RAP1GAP2: variants seen among roughly 807,000 people sequenced by gnomAD.
The protein encoded by RAP1GAP2 is rap1 GTPase-activating protein 2.
Under a neutral mutation model 95.0 loss-of-function variants are expected in RAP1GAP2, and 27 were observed. The observed-to-expected ratio is 0.28, with a 90% CI of 0.21 to 0.39. The LOEUF is 0.39. RAP1GAP2 is among the 10% of genes least tolerant of loss of function. The pLI, the probability that RAP1GAP2 is intolerant of heterozygous loss-of-function variation, is 1.00. For missense variants in RAP1GAP2, 771 were observed against 970.0 expected, an observed-to-expected ratio of 0.79 and a Z score of 2.72; for synonymous variants, 373 against 380.9, an observed-to-expected ratio of 0.98 and a Z score of 0.24.
intron 2 of RAP1GAP2, among the ~76,000 whole-genome samples, chr17:2,804,993 C>T (rs2069454412): frequency 6.6e-6 from 1 of 152,162 alleles, no homozygotes; most frequent in Non-Finnish European, 1.5e-5. Context: ...ATGGTAGGCG[C>T]TCGCTGTTGA....
intron 2 of RAP1GAP2, among the ~76,000 whole-genome samples, chr17:2,812,057 G>A (rs2069791525): frequency 6.6e-6 from 1 of 152,134 alleles, no homozygotes; most frequent in Non-Finnish European, 1.5e-5. Context: ...ACTAACTGCA[G>A]ACTTTAAAGA....
chr17:2,851,012 A>T (rs2071824444), intron 2 of RAP1GAP2, among the ~76,000 whole-genome samples: 1 of 151,984 alleles, frequency 6.6e-6, no homozygotes, highest in Non-Finnish European at 1.5e-5. Flanking sequence ...GTGAGCCAAG[A>T]CCGTGCCATT....
In RAP1GAP2 at chr17:2,996,287, G is replaced by A. The variant is rs9913369; in HGVS notation, c.1044+821G>A. ...CCCCGTTTGCTGCTCTGACAGCCGT[G>A]CATCCCTGGGGAGAGCCGCGGCTGG... On this transcript the variant is annotated intron_variant, in intron 13 of 24. Transcript: ENST00000254695. Among the ~76,000 whole-genome samples, 198 of 152,308 alleles carry A rather than the reference G, an allele frequency of 1.3e-3. 1 individual carries two copies. Among genetic ancestry groups the A allele is most frequent in the African/African-American group, 4.6e-3 (192 of 41,572 alleles).
intron 2 of RAP1GAP2, among the ~76,000 whole-genome samples, chr17:2,830,386 C>T (rs914449819): frequency 2.6e-5 from 4 of 151,410 alleles, no homozygotes; most frequent in African/African-American, 9.7e-5. Flanking sequence ...CATTGCACTC[C>T]AGTCTGGGCG....
chr17:2,862,519 C>T (rs114152639), intron 2 of RAP1GAP2, among the ~76,000 whole-genome samples: 3 of 151,822 alleles, frequency 2.0e-5, no homozygotes, highest in African/African-American at 4.8e-5. Flanking sequence ...AGCACCCCCA[C>T]GCCCCCCAAC....
chr17:2,771,507 T>TG (rs2068396910), intron 2 of RAP1GAP2, among the ~76,000 whole-genome samples: 1 of 151,012 alleles, frequency 6.6e-6, no homozygotes, highest in Non-Finnish European at 1.5e-5. Context: ...TTGTTTTTTT[T>TG]TTTTAGATAG....
intron 17 of RAP1GAP2, among the ~76,000 whole-genome samples, chr17:3,009,848 G>T (rs555251646): frequency 2.0e-5 from 3 of 152,220 alleles, no homozygotes; most frequent in East Asian, 3.9e-4. Context: ...AGGGCGCCAG[G>T]TCAGACAACC....
intron 3 of RAP1GAP2, among the ~76,000 whole-genome samples, chr17:2,930,057 G>GC (rs2043093172): frequency 6.6e-6 from 1 of 152,244 alleles, no homozygotes. Context: ...TGTGTCACCT[G>GC]CCCTGTGTGG....
chr17:3,023,111 C>A (rs1389822106), intron 19 of RAP1GAP2, among the ~76,000 whole-genome samples: 3 of 152,142 alleles, frequency 2.0e-5, no homozygotes, highest in Non-Finnish European at 4.4e-5. Flanking sequence ...GAACAAATCC[C>A]ATGGTGAATT....
At position 2,904,385 on chromosome 17, in the gene RAP1GAP2, A is replaced by T. The variant is rs1395081000; in HGVS notation, c.81-899A>T. On this transcript the variant is annotated intron_variant, in intron 2 of 24. Coordinates refer to ENST00000254695, the MANE Select transcript of RAP1GAP2 (RefSeq NM_015085.5). This position sits in a 1 kb window ranked among gnomAD's most constrained non-coding sequence, Gnocchi z 4.7. ...AAGTGGGGAGTGTGTGAGCGCGGCA[A>T]ACTTGTCGCAGTCATGTTGCCATGG... Among the ~76,000 whole-genome samples the T allele has an allele frequency of 6.6e-6, 1 of 152,164 alleles. No individual in the cohort carries two copies. The highest frequency in any genetic ancestry group is 1.5e-5 in the Non-Finnish European group (1 of 68,036).
intron 3 of RAP1GAP2, among the ~76,000 whole-genome samples, chr17:2,954,360 T>C (rs1426156048): frequency 1.3e-5 from 2 of 152,004 alleles, no homozygotes; most frequent in East Asian, 3.9e-4. Context: ...CGCCTCGGCC[T>C]CCCAAAGTGC....
At chr17:3,014,721 T>C (rs2046697664) in intron 17 of RAP1GAP2, among the ~76,000 whole-genome samples, 1 of 152,124 alleles carries the variant, frequency 6.6e-6, no homozygotes, top group South Asian at 2.1e-4. Flanking sequence ...GGCTAATTTT[T>C]GTATTTTTTA....
chr17:2,890,025 C>T (rs1220343366), intron 2 of RAP1GAP2, among the ~76,000 whole-genome samples: 2 of 150,846 alleles, frequency 1.3e-5, no homozygotes, highest in African/African-American at 2.4e-5. Flanking sequence ...CACTGGCCTG[C>T]GCTGTGTTCT....
rs149204855 is a variant in RAP1GAP2 at position 3,008,545 on chromosome 17, C to T, written c.1494+400C>T. Among the ~76,000 whole-genome samples, 51 of 152,294 alleles carry T rather than the reference C, an allele frequency of 3.3e-4. No homozygotes were observed. Among genetic ancestry groups the T allele is most frequent in the African/African-American group, 1.1e-3 (46 of 41,558 alleles). Reference sequence around the variant, plus strand: ...GAGGACCACAGCCCTTACGGGTCTTCGTAGCTGCTGTGGGTGCCACAGTGA... The same window carrying T: ...GAGGACCACAGCCCTTACGGGTCTTTGTAGCTGCTGTGGGTGCCACAGTGA... On this transcript the variant is annotated intron_variant, in intron 17 of 24. Transcript: ENST00000254695. The surrounding 1 kb of genome is among the most constrained non-coding windows in gnomAD (Gnocchi z 4.2).
In RAP1GAP2 at chr17:2,870,923, C is replaced by G. The variant is rs940667398; in HGVS notation, c.81-34361C>G. ...TGATGTTGGATCCATGGTTGTAGAT[C>G]CTTGTGGGCTAAACGTTTCATTTTA... On this transcript the variant is annotated intron_variant, in intron 2 of 24. Coordinates refer to ENST00000254695, the MANE Select transcript of RAP1GAP2 (RefSeq NM_015085.5). This position sits in a 1 kb window ranked among gnomAD's most constrained non-coding sequence, Gnocchi z 4.4. Among the ~76,000 whole-genome samples the G allele has an allele frequency of 2.0e-5, 3 of 152,158 alleles. No homozygotes were observed. Among genetic ancestry groups the G allele is most frequent in the Non-Finnish European group, 4.4e-5 (3 of 68,030 alleles).
chr17:2,890,379 AT>A (rs1245320522), intron 2 of RAP1GAP2, among the ~76,000 whole-genome samples: 1 of 152,192 alleles, frequency 6.6e-6, no homozygotes, highest in African/African-American at 2.4e-5. Flanking sequence ...CTCCTAATCC[AT>A]TATGTCACCA....
intron 3 of RAP1GAP2, among the ~76,000 whole-genome samples, chr17:2,948,610 C>T (rs1297346124): frequency 6.7e-6 from 1 of 148,870 alleles, no homozygotes; most frequent in Admixed American, 6.8e-5. Flanking sequence ...AGGTGGCTGC[C>T]TGTCTGCAGG....
At chr17:2,775,282 C>A (rs1027246382), upstream of RAP1GAP2, among the ~76,000 whole-genome samples, 1 of 152,026 alleles carries the variant, frequency 6.6e-6, no homozygotes, top group African/African-American at 2.4e-5. Flanking sequence ...AACATGTAAA[C>A]GCAGAGACAA....
upstream of RAP1GAP2, among the ~76,000 whole-genome samples, chr17:2,776,344 T>G (rs1030882026): frequency 4.6e-5 from 7 of 151,942 alleles, no homozygotes; most frequent in Non-Finnish European, 8.8e-5. Flanking sequence ...CCCCCAGGCC[T>G]CACCGCACCT....
Sources: allele counts gnomAD v4.1 joint callset (sites outside exome capture counted in the v4.1 genomes callset), GRCh38; gene constraint gnomAD v4.1.1; non-coding constraint Gnocchi (gnomAD v3.1); transcripts MANE v1.5; gene names NCBI Gene and HGNC (gene_info 2026-07-23, HGNC 2026-07-21).